Variants in XPNPEP3 observed in about 807,000 individuals in gnomAD.
XPNPEP3 encodes the protein X-prolyl aminopeptidase 3.
XPNPEP3 carries 41 observed loss-of-function variants against 60.0 expected under a neutral mutation model. The ratio of observed to expected loss-of-function variants is 0.68; its 90% CI spans 0.53 to 0.89. The LOEUF is 0.89. Ranked by LOEUF, XPNPEP3 falls within the 40% of genes least tolerant of loss-of-function variation. The pLI is 0.00. For missense variants in XPNPEP3, 598 were observed against 638.9 expected (o/e 0.94, Z 0.69); for synonymous variants, 212 against 223.2 (o/e 0.95, Z 0.45).
rs1042261766 is a variant in XPNPEP3 at position 40,930,115 on chromosome 22, T to G, written c.*3680T>G. 6.6e-6 allele frequency: 1 copy of G among 151,310 alleles called. No individual in the cohort carries two copies. The highest frequency in any genetic ancestry group is 1.5e-5 in the Non-Finnish European group (1 of 67,924). 9.4% of individuals were successfully genotyped at this position (151,310 alleles called of 1,614,324 possible). A position where few individuals can be genotyped will look rare whatever the true frequency, so the allele number is the denominator to read the frequency against. ...ATTAGCTTTTTTTTTTTTTAAAGGT[T>G]TTTTGTGGGGTTTTTTTGTTTTTTT... On this transcript the variant is annotated 3_prime_UTR_variant, in exon 10 of 10. Transcript: ENST00000357137.
intron 2 of XPNPEP3, among the ~76,000 whole-genome samples, chr22:40,877,038 G>T (rs2058303793): frequency 6.6e-6 from 1 of 152,144 alleles, no homozygotes; most frequent in Non-Finnish European, 1.5e-5. Flanking sequence ...CACCTTCATA[G>T]GCAGCCACTC....
In XPNPEP3 at chr22:40,857,156, C is replaced by G. The variant is rs778471002; in HGVS notation, c.-26C>G. The G allele has an allele frequency of 6.2e-7, 1 of 1,613,880 alleles. No homozygotes were observed. The highest frequency in any genetic ancestry group is 8.5e-7 in the Non-Finnish European group (1 of 1,179,886). ...CGTTCCCCGTCGTTACCCTCTTTCT[C>G]TTCCCGACGCGTGAGTTAGGCCGTA... On this transcript the variant is annotated 5_prime_UTR_variant, in exon 1 of 10. Transcript: ENST00000357137.
At chr22:40,923,226 A>G (rs76520993) in intron 8 of XPNPEP3, among the ~76,000 whole-genome samples, 9 of 151,950 alleles carry the variant, frequency 5.9e-5, no homozygotes, top group East Asian at 3.9e-4. Context: ...AAAAAAAAAA[A>G]AGAGAGAGAG....
At chr22:40,861,877 C>T (rs1329521552) in intron 1 of XPNPEP3, 1 of 1,613,860 alleles carries the variant, frequency 6.2e-7, no homozygotes, top group Non-Finnish European at 8.5e-7. Flanking sequence ...TCTGCTTCTT[C>T]TTTATTTTCT....
At chr22:40,908,865 C>T (rs1449099922) in intron 5 of XPNPEP3, among the ~76,000 whole-genome samples, 1 of 151,978 alleles carries the variant, frequency 6.6e-6, no homozygotes, top group Non-Finnish European at 1.5e-5. Flanking sequence ...GAAAAAAGAA[C>T]AGATTTAATA....
At chr22:40,902,141 C>T (rs1472144000) in intron 4 of XPNPEP3, among the ~76,000 whole-genome samples, 3 of 129,210 alleles carry the variant, frequency 2.3e-5, no homozygotes, top group Admixed American at 1.8e-4. Context: ...GGCGTGATCT[C>T]GGCTCACTGC....
At chr22:40,880,382 A>T (rs1378681358) in intron 2 of XPNPEP3, among the ~76,000 whole-genome samples, 1 of 151,746 alleles carries the variant, frequency 6.6e-6, no homozygotes, top group Non-Finnish European at 1.5e-5. Context: ...TGGAAAAGGA[A>T]GATACCAAAA....
chr22:40,871,637 G>A (rs367949884), intron 2 of XPNPEP3, among the ~76,000 whole-genome samples: 2 of 152,102 alleles, frequency 1.3e-5, no homozygotes, highest in Admixed American at 6.5e-5. Context: ...TTTGGTATAT[G>A]TTTCTTTTTA....
At position 40,926,706 on chromosome 22, in the gene XPNPEP3, A is replaced by G; in HGVS notation, c.*271A>G. 2.1e-6 allele frequency: 1 copy of G among 480,070 alleles called. No homozygotes were observed. 29.7% of individuals were successfully genotyped at this position (480,070 alleles called of 1,614,324 possible). ...AATGATCAGAGCAAGTTTAATTTTT[A>G]AACATAAAGGTCTTGGTTACACATG... On this transcript the variant is annotated 3_prime_UTR_variant, in exon 10 of 10. Transcript: ENST00000357137.
intron 4 of XPNPEP3, among the ~76,000 whole-genome samples, chr22:40,891,289 A>G (rs1178667450): frequency 6.8e-6 from 1 of 146,590 alleles, no homozygotes; most frequent in African/African-American, 2.5e-5. Context: ...GAGCCCAGGA[A>G]GTCAAGGCTT....
At chr22:40,887,499 C>T (rs1194462824) in intron 4 of XPNPEP3, among the ~76,000 whole-genome samples, 1 of 152,124 alleles carries the variant, frequency 6.6e-6, no homozygotes, top group Non-Finnish European at 1.5e-5. Flanking sequence ...TGAGGGCTCT[C>T]CCGGCTTACA....
chr22:40,917,193 G>A (rs1450239660), intron 7 of XPNPEP3: 7 of 152,460 alleles, frequency 4.6e-5, no homozygotes, highest in African/African-American at 1.7e-4. Flanking sequence ...AGAGTTCTAA[G>A]CTGCAGTCCA....
chr22:40,865,762 C>T (rs1214446561), intron 1 of XPNPEP3, among the ~76,000 whole-genome samples: 1 of 152,036 alleles, frequency 6.6e-6, no homozygotes, highest in East Asian at 1.9e-4. Flanking sequence ...AACTCCTGGC[C>T]TCAAGTGATC....
chr22:40,861,453 A>G lies in XPNPEP3; in HGVS notation c.64+4208A>G. 1.2e-6 allele frequency: 2 copies of G among 1,614,176 alleles called. No homozygotes were observed. Among genetic ancestry groups the G allele is most frequent in the Non-Finnish European group, 1.7e-6 (2 of 1,180,040 alleles). ...AGTTGTAACAGATATGTAGTTGTCC[A>G]TCCCACTATTATCAAAAGCCAGGGA... On this transcript the variant is annotated intron_variant, in intron 1 of 9. Coordinates refer to ENST00000357137, the MANE Select transcript of XPNPEP3 (RefSeq NM_022098.4).
intron 9 of XPNPEP3, among the ~76,000 whole-genome samples, chr22:40,925,935 G>A (rs1415357278): frequency 3.3e-5 from 5 of 152,032 alleles, no homozygotes; most frequent in Non-Finnish European, 7.4e-5. Flanking sequence ...ATATATTGAC[G>A]TACTTTTAAA....
At chr22:40,868,280 T>C (rs2057988255) in intron 1 of XPNPEP3, among the ~76,000 whole-genome samples, 1 of 152,198 alleles carries the variant, frequency 6.6e-6, no homozygotes, top group South Asian at 2.1e-4. Context: ...AAAATGTTGA[T>C]TATCTTTTCC....
chr22:40,893,814 C>T (rs2058097728), intron 4 of XPNPEP3, among the ~76,000 whole-genome samples: 1 of 152,056 alleles, frequency 6.6e-6, no homozygotes, highest in Non-Finnish European at 1.5e-5. Flanking sequence ...CGAGGTTTCT[C>T]CATATTGGTC....
At chr22:40,898,543 G>T (rs1048492871) in intron 4 of XPNPEP3, among the ~76,000 whole-genome samples, 1 of 133,588 alleles carries the variant, frequency 7.5e-6, no homozygotes, top group Non-Finnish European at 1.5e-5. Context: ...GTGAGCCACC[G>T]CGCCCGGCCG....
chr22:40,896,067 C>T (rs2058106547), intron 4 of XPNPEP3, among the ~76,000 whole-genome samples: 1 of 152,176 alleles, frequency 6.6e-6, no homozygotes, highest in African/African-American at 2.4e-5. Flanking sequence ...CTTTCTCTTT[C>T]TAAAATTCCT....
Sources: gnomAD v4.1 joint callset for allele counts (sites outside exome capture counted in the v4.1 genomes callset) on GRCh38, gnomAD v4.1.1 for gene constraint, MANE v1.5 for transcripts, NCBI Gene and HGNC (gene_info 2026-07-23, HGNC 2026-07-21) for gene names.